Variants in FLCN observed in about 807,000 individuals in gnomAD.
FLCN encodes folliculin, also known as BHD skin lesion fibrofolliculoma protein.
A neutral mutation model predicts 62.5 loss-of-function variants in FLCN; 22 were observed. That is an observed-to-expected ratio of 0.35 (90% confidence interval 0.25 to 0.50). The LOEUF (loss-of-function observed/expected upper bound fraction) is 0.50, where lower values mean the gene tolerates loss of function less well. Ranked by LOEUF, FLCN falls within the 20% of genes least tolerant of loss-of-function variation. The probability of loss-of-function intolerance (pLI) is 0.97; values close to 1 mark genes in which losing one functional copy is unlikely to be tolerated. For synonymous variants in FLCN, 319 were observed against 310.0 expected (o/e 1.03, Z -0.30); for missense variants, 657 against 778.0 (o/e 0.84, Z 1.85).
chr17:17,226,056 G>T, intron 5 of FLCN, 120 bp downstream of exon 5: 1 of 1,409,192 alleles, frequency 7.1e-7, no homozygotes, highest in Non-Finnish European at 9.9e-7. Context: ...TGATCTGCGG[G>T]TCCGCCCTGA....
At chr17:17,221,322 A>G (rs2047077314) in intron 8 of FLCN, 1 of 1,556,618 alleles carries the variant, frequency 6.4e-7, no homozygotes, top group South Asian at 1.2e-5. Flanking sequence ...TGGGGAACAG[A>G]TTCTTTCACA....
rs531338403 is a variant in FLCN at position 17,231,743 on chromosome 17, G to A, written c.-25+51C>T. On this transcript the variant is annotated intron_variant, in intron 3 of 13. Coordinates refer to ENST00000285071, the MANE Select transcript of FLCN (RefSeq NM_144997.7). ...TGCTGCAGCCAGCCTCTCTGCCGGC[G>A]GCCCATGCCTGGAACTGCTTCTTCA... 542 of 152,466 alleles carry A rather than the reference G, an allele frequency of 3.6e-3. 3 individuals are homozygous for A. Among genetic ancestry groups the A allele is most frequent in the Middle Eastern group, 0.027 (8 of 294 alleles). The allele number at this position is 152,466 out of a possible 1,614,324, so 9.4% of individuals were successfully genotyped here. A position where few individuals can be genotyped will look rare whatever the true frequency, so the allele number is the denominator to read the frequency against.
Position 17,216,281 on chromosome 17 carries a change from C to T in FLCN, c.1300+99G>A. On this transcript the variant is annotated intron_variant, in intron 11 of 13. Coordinates refer to ENST00000285071, the MANE Select transcript of FLCN (RefSeq NM_144997.7). The surrounding 1 kb of genome is among the most constrained non-coding windows in gnomAD (Gnocchi z 4.0). ...GAAGCTGGCCCTGCAATGAGGCCTC[C>T]TCTCCACAACCCATGACAGAGATCT... 6.5e-7 allele frequency: 1 copy of T among 1,548,242 alleles called. No homozygotes were observed. Among genetic ancestry groups the T allele is most frequent in the Non-Finnish European group, 8.8e-7 (1 of 1,141,182 alleles).
chr17:17,218,181 C>T lies in FLCN; in HGVS notation c.1062+838G>A, dbSNP rs541982765. Among the ~76,000 whole-genome samples, 7 of 152,322 alleles carry T rather than the reference C, an allele frequency of 4.6e-5. No homozygotes were observed. In the East Asian group the frequency reaches 1.3e-3, roughly 29 times the overall value. ...AATCCAGCAACCCACACCCCTCTCT[C>T]CCGGCATCTGACTCGATGTAACTGG... On this transcript the variant is annotated intron_variant, in intron 9 of 13. Coordinates refer to ENST00000285071, the MANE Select transcript of FLCN (RefSeq NM_144997.7).
Position 17,215,313 on chromosome 17 carries a change from A to C in FLCN, c.1304T>G (p.Phe435Cys). The part of the protein sequence containing the change: ...QIPPHVLSSE[F>C]AVIVEVHAAA... ...TGCGTGGACCTCCACGATGACAGCAAACTCTGTAACAACACAAGGCCCGTG... is the reference window on the plus strand; with the variant it reads ...TGCGTGGACCTCCACGATGACAGCACACTCTGTAACAACACAAGGCCCGTG... Residue 435 changes from phenylalanine (F) to cysteine (C), a missense_variant, in exon 12 of 14, where the codon TTT becomes TGT. By Grantham distance (205) the Phe-to-Cys change is radical (BLOSUM62 -2). Coordinates refer to ENST00000285071, the MANE Select transcript of FLCN (RefSeq NM_144997.7). 6.2e-7 allele frequency: 1 copy of C among 1,613,928 alleles called. No homozygotes were observed. Among genetic ancestry groups the C allele is most frequent in the Non-Finnish European group, 8.5e-7 (1 of 1,180,012 alleles).
At chr17:17,223,186 T>G (rs1170038540) in intron 6 of FLCN, 4 of 221,918 alleles carry the variant, frequency 1.8e-5, no homozygotes, top group African/African-American at 9.1e-5. Flanking sequence ...CTCTGCCTCA[T>G]GGGTTCAAGC....
At chr17:17,218,886 C>T (rs1316853889) in intron 9 of FLCN, 133 bp downstream of exon 9, 3 of 1,003,144 alleles carry the variant, frequency 3.0e-6, no homozygotes, top group Non-Finnish European at 2.9e-6. Context: ...CTCAGCCACC[C>T]ACCGAGGAGG....
chr17:17,227,396 G>A (rs1231565521), intron 4 of FLCN, among the ~76,000 whole-genome samples: 2 of 152,060 alleles, frequency 1.3e-5, no homozygotes, highest in African/African-American at 2.4e-5. Flanking sequence ...TGAAGGCCAC[G>A]GCAGGGAGGC....
intron 5 of FLCN, 70 bp downstream of exon 5, chr17:17,226,106 C>G (rs761271381): frequency 8.7e-6 from 14 of 1,603,966 alleles, no homozygotes; most frequent in Non-Finnish European, 1.2e-5. Flanking sequence ...ATGCTGGCTC[C>G]GAGCCCACCC....
At position 17,217,177 on chromosome 17, in the gene FLCN, C is replaced by A. The variant is rs534904034; in HGVS notation, c.1068G>T (p.Leu356=). 6.8e-6 allele frequency: 11 copies of A among 1,611,824 alleles called. No individual in the cohort carries two copies. The African/African-American group carries it at 1.3e-4, about 20-fold the overall frequency. Residue 356 remains leucine (L), a synonymous_variant, in exon 10 of 14, where the codon CTG becomes CTT. Coordinates refer to ENST00000285071, the MANE Select transcript of FLCN (RefSeq NM_144997.7). ...CCAGCATGCGGAAAGAAGGGGCACC[C>A]AGGACCTAAACAAGAGAGTGCAGTG... is the stretch of plus-strand genomic sequence containing the variant. ...FKSLRHMRQV[L]GAPSFRMLAW...
chr17:17,224,090 A>G lies in FLCN; in HGVS notation c.450T>C (p.Phe150=), dbSNP rs200672897. The stretch of plus-strand genomic sequence containing the variant: ...TGATGAAGAAGGTGTGGCTGAACAC[A>G]AAGCCGTGCTGCTCATCTCCGAAGA... ...PIFFGDEQHG[F]VFSHTFFIKD... Residue 150 remains phenylalanine (F), a synonymous_variant, in exon 6 of 14, where the codon TTT becomes TTC. Transcript: ENST00000285071. The G allele has an allele frequency of 4.5e-5, 72 of 1,612,426 alleles. No individual in the cohort carries two copies. The East Asian group carries it at 1.3e-3, about 30-fold the overall frequency.
At position 17,233,092 on chromosome 17, in the gene FLCN, A is replaced by ACT. The variant is rs1220499707; in HGVS notation, c.-227-193_-227-192dup. On this transcript the variant is annotated intron_variant, in intron 1 of 13. Coordinates refer to ENST00000285071, the MANE Select transcript of FLCN (RefSeq NM_144997.7). ...CAGCAGGAGCTGACATTTTAGCTGA[A>ACT]CTCTTGCACCTCTGAGGCACTCTAA... 4.6e-5 allele frequency among the ~76,000 whole-genome samples: 7 copies of ACT among 152,104 alleles called. No individual in the cohort carries two copies. In the East Asian group the frequency reaches 1.4e-3, roughly 29 times the overall value.
chr17:17,219,140 G>T lies in FLCN; in HGVS notation c.941C>A (p.Pro314Gln), dbSNP rs747467294. ...AEEEEKAPVLPESTEGRELTQ... is the reference protein window; with the variant it reads ...AEEEEKAPVLQESTEGRELTQ... ...CAGCTCCCGCCCTTCTGTACTCTCT[G>T]GCAACACAGGGGCTTTCTCCTCCTC... The change falls in exon 9 of 14, where the codon CCA becomes CAA. Residue 314 changes from proline (P) to glutamine (Q), a missense_variant. Transcript: ENST00000285071. 1.2e-6 allele frequency: 2 copies of T among 1,614,174 alleles called. No individual in the cohort carries two copies. The highest frequency in any genetic ancestry group is 3.3e-5 in the Admixed American group (2 of 60,016).
At chr17:17,223,144 A>T (rs1224458275) in intron 6 of FLCN, 1 of 285,500 alleles carries the variant, frequency 3.5e-6, no homozygotes, top group Non-Finnish European at 6.9e-6. Flanking sequence ...CCCAGGCTGG[A>T]GTGCAATGGT....
chr17:17,216,075 T>C lies in FLCN; in HGVS notation c.1300+305A>G, dbSNP rs1056172166. Among the ~76,000 whole-genome samples, 2 of 151,988 alleles carry C rather than the reference T, an allele frequency of 1.3e-5. No individual in the cohort carries two copies. Among genetic ancestry groups the C allele is most frequent in the African/African-American group, 4.8e-5 (2 of 41,374 alleles). ...ACACCCAGCATTCAGCAGGCCTCCA[T>C]CTCATAGGCACCCAATCACCAGGAC... On this transcript the variant is annotated intron_variant, in intron 11 of 13. Coordinates refer to ENST00000285071, the MANE Select transcript of FLCN (RefSeq NM_144997.7). This position sits in a 1 kb window ranked among gnomAD's most constrained non-coding sequence, Gnocchi z 4.0.
chr17:17,232,066 G>C (rs1007185452), intron 2 of FLCN, among the ~76,000 whole-genome samples, 184 bp from the exon 3 acceptor site: 2 of 152,206 alleles, frequency 1.3e-5, no homozygotes, highest in African/African-American at 2.4e-5. Context: ...GGAAACATAC[G>C]CATTTAACAG....
rs2046815401 is a variant in FLCN, at chr17:17,213,674, G to A, written c.1721C>T (p.Ala574Val). 1.2e-6 allele frequency: 2 copies of A among 1,614,188 alleles called. No individual in the cohort carries two copies. The highest frequency in any genetic ancestry group is 1.7e-6 in the Non-Finnish European group (2 of 1,180,032). Residue 574 changes from alanine (A) to valine (V), a missense_variant, in exon 14 of 14, where the codon GCC becomes GTC. Coordinates refer to ENST00000285071, the MANE Select transcript of FLCN (RefSeq NM_144997.7). ...GACGGGTCAGTTCCGAGACTCCGAG[G>A]CTGTGGGGCTGCGGACCGTGGACAT... ...HLMSTVRSPT[A>V]SESRN
intron 13 of FLCN, among the ~76,000 whole-genome samples, chr17:17,214,592 C>T (rs867351348): frequency 7.9e-5 from 12 of 151,660 alleles, no homozygotes; most frequent in Non-Finnish European, 1.3e-4. Flanking sequence ...CAAACTCTGA[C>T]TCAAAAAAAA....
chr17:17,227,152 G>A (rs527415701), intron 4 of FLCN, among the ~76,000 whole-genome samples: 4 of 152,242 alleles, frequency 2.6e-5, no homozygotes, highest in South Asian at 2.1e-4. Context: ...TTGGGTTCCC[G>A]TTTGCACTGC....
Sources: gnomAD v4.1 joint callset for allele counts (sites outside exome capture counted in the v4.1 genomes callset) on GRCh38, gnomAD v4.1.1 for gene constraint, Gnocchi (gnomAD v3.1) non-coding constraint, MANE v1.5 for transcripts, NCBI Gene and HGNC (gene_info 2026-07-23, HGNC 2026-07-21) for gene names.